UBE2W: variants seen among roughly 807,000 people sequenced by gnomAD.
The protein encoded by UBE2W is ubiquitin-conjugating enzyme E2 W.
A neutral mutation model predicts 27.2 loss-of-function variants in UBE2W; 18 were observed. The ratio of observed to expected loss-of-function variants is 0.66; its 90% CI spans 0.46 to 0.98. UBE2W has a LOEUF of 0.98. Ranked by LOEUF, UBE2W falls within the 50% of genes least tolerant of loss-of-function variation. The pLI is 0.00. For missense variants in UBE2W, 90 were observed against 180.2 expected, an observed-to-expected ratio of 0.50 and a Z score of 2.87; for synonymous variants, 53 against 57.2, an observed-to-expected ratio of 0.93 and a Z score of 0.33.
intron 2 of UBE2W, among the ~76,000 whole-genome samples, chr8:73,829,987 T>C (rs1276838536): frequency 1.3e-5 from 2 of 152,220 alleles, no homozygotes; most frequent in Non-Finnish European, 2.9e-5. Context: ...TTGATGTTTT[T>C]AGGGCATGGG....
At chr8:73,845,289 A>C (rs1810745723) in intron 1 of UBE2W, among the ~76,000 whole-genome samples, 1 of 152,248 alleles carries the variant, frequency 6.6e-6, no homozygotes, top group Admixed American at 6.5e-5. Flanking sequence ...ATGTGGAGAA[A>C]AGAAAGATCA....
intron 1 of UBE2W, among the ~76,000 whole-genome samples, chr8:73,854,535 A>G (rs969050383): frequency 6.6e-6 from 1 of 152,236 alleles, no homozygotes; most frequent in Non-Finnish European, 1.5e-5. Flanking sequence ...GATGTACTGC[A>G]TTGTCATTGC....
chr8:73,785,182 T>G (rs773547627), downstream of UBE2W, among the ~76,000 whole-genome samples: 13 of 152,242 alleles, frequency 8.5e-5, no homozygotes, highest in Non-Finnish European at 1.6e-4. Flanking sequence ...AGTCTTGCTC[T>G]GTCACCCAGG....
At chr8:73,837,257 A>G (rs1417251134) in intron 1 of UBE2W, among the ~76,000 whole-genome samples, 1 of 152,252 alleles carries the variant, frequency 6.6e-6, no homozygotes, top group African/African-American at 2.4e-5. Context: ...TCATGCCTGT[A>G]ATCCCAGCAC....
At chr8:73,851,594 A>T (rs1184896314) in intron 1 of UBE2W, among the ~76,000 whole-genome samples, 1 of 152,228 alleles carries the variant, frequency 6.6e-6, no homozygotes, top group African/African-American at 2.4e-5. Flanking sequence ...AAGTATTTTT[A>T]AATAAAAATA....
At chr8:73,800,865 G>T (rs12056802) in intron 5 of UBE2W, among the ~76,000 whole-genome samples, 1 of 152,052 alleles carries the variant, frequency 6.6e-6, no homozygotes, top group Non-Finnish European at 1.5e-5. Context: ...AGGCCGAGGG[G>T]GCAGATCACC....
In UBE2W at chr8:73,792,813, T is replaced by G. The variant is rs1225397294; in HGVS notation, c.*1289A>C. On this transcript the variant is annotated 3_prime_UTR_variant, in exon 6 of 6. Transcript: ENST00000602593. ...CAATTTTTTTTTTCTATAGAAAGTT[T>G]CATCTAGCTGTAAGCAAAGTCTTTT... 1 of 985,560 alleles carries G rather than the reference T, an allele frequency of 1.0e-6. No homozygotes were observed. Among genetic ancestry groups the G allele is most frequent in the African/African-American group, 1.7e-5 (1 of 57,354 alleles). 61.1% of individuals were successfully genotyped at this position (985,560 alleles called of 1,614,324 possible).
intron 1 of UBE2W, among the ~76,000 whole-genome samples, chr8:73,877,790 T>A (rs1430357283): frequency 6.6e-6 from 1 of 152,138 alleles, no homozygotes; most frequent in Non-Finnish European, 1.5e-5. Flanking sequence ...AGGCTACAGA[T>A]AACGCACTCA....
Position 73,791,018 on chromosome 8 carries a change from G to C in UBE2W, c.*3084C>G. 1 of 983,144 alleles carries C rather than the reference G, an allele frequency of 1.0e-6. No individual in the cohort carries two copies. The highest frequency in any genetic ancestry group is 1.2e-6 in the Non-Finnish European group (1 of 828,012). The allele number at this position is 983,144 out of a possible 1,614,324, so 60.9% of individuals were successfully genotyped here. ...TTGATATTCCTAGTCAAAACAACAA[G>C]GAATTAAGATCTTTCTCCAGGTGAA... On this transcript the variant is annotated 3_prime_UTR_variant, in exon 6 of 6. Coordinates refer to ENST00000602593, the MANE Select transcript of UBE2W (RefSeq NM_018299.6).
At chr8:73,841,376 T>C (rs1035488840) in intron 1 of UBE2W, among the ~76,000 whole-genome samples, 5 of 152,222 alleles carry the variant, frequency 3.3e-5, no homozygotes, top group Non-Finnish European at 5.9e-5. Flanking sequence ...TTCTAACAGT[T>C]ACTTATTAAA....
At chr8:73,826,213 C>T (rs1344059345) in intron 2 of UBE2W, among the ~76,000 whole-genome samples, 1 of 152,108 alleles carries the variant, frequency 6.6e-6, no homozygotes, top group Non-Finnish European at 1.5e-5. Flanking sequence ...TCATATATAA[C>T]AATCATAAAC....
intron 4 of UBE2W, among the ~76,000 whole-genome samples, chr8:73,806,042 C>T (rs1405717099): frequency 6.6e-6 from 1 of 152,100 alleles, no homozygotes; most frequent in Non-Finnish European, 1.5e-5. Flanking sequence ...GTAATCCCAG[C>T]TACTTGGGAG....
chr8:73,859,397 T>G (rs1811451595), intron 1 of UBE2W, among the ~76,000 whole-genome samples: 1 of 152,126 alleles, frequency 6.6e-6, no homozygotes. Flanking sequence ...TCCCAGCTAC[T>G]GGGGAGGCTG....
At chr8:73,857,322 G>A (rs1021738861) in intron 1 of UBE2W, among the ~76,000 whole-genome samples, 1 of 152,052 alleles carries the variant, frequency 6.6e-6, no homozygotes, top group Non-Finnish European at 1.5e-5. Context: ...TTTAAACCCT[G>A]GCACTTAAGG....
At chr8:73,858,592 TTAAAA>T (rs1293708956) in intron 1 of UBE2W, among the ~76,000 whole-genome samples, 3 of 151,210 alleles carry the variant, frequency 2.0e-5, no homozygotes, top group Non-Finnish European at 2.9e-5. Flanking sequence ...TCATGAAGAT[TTAAAA>T]TAATTTAAAA....
intron 1 of UBE2W, among the ~76,000 whole-genome samples, chr8:73,845,515 C>T (rs946946657): frequency 2.0e-5 from 3 of 152,036 alleles, no homozygotes; most frequent in African/African-American, 4.8e-5. Context: ...GCAGCATACT[C>T]GTTAAGAGTC....
intron 4 of UBE2W, among the ~76,000 whole-genome samples, chr8:73,807,839 A>G (rs1808981704): frequency 6.6e-6 from 1 of 152,226 alleles, no homozygotes; most frequent in Non-Finnish European, 1.5e-5. Flanking sequence ...AGGGAGATAC[A>G]GTTCTTGGAA....
rs1358026576 is a variant in UBE2W, at chr8:73,878,791, C to G, written c.15+17G>C. 2 of 1,548,008 alleles carry G rather than the reference C, an allele frequency of 1.3e-6. No individual in the cohort carries two copies. Among genetic ancestry groups the G allele is most frequent in the Non-Finnish European group, 1.7e-6 (2 of 1,144,352 alleles). ...GGCGGCTCCCTGGCCCGCCCAGATGCAGCAAACTCCTCTCACCTGCATTGA... is the reference window on the plus strand; with the variant it reads ...GGCGGCTCCCTGGCCCGCCCAGATGGAGCAAACTCCTCTCACCTGCATTGA... On this transcript the variant is annotated intron_variant, in intron 1 of 5. Coordinates refer to ENST00000602593, the MANE Select transcript of UBE2W (RefSeq NM_018299.6).
At chr8:73,862,094 G>T (rs1202400708) in intron 1 of UBE2W, among the ~76,000 whole-genome samples, 1 of 152,136 alleles carries the variant, frequency 6.6e-6, no homozygotes, top group Non-Finnish European at 1.5e-5. Context: ...CTAAATTCCT[G>T]CATTGTAGTG....
Sources: allele counts gnomAD v4.1 joint callset (sites outside exome capture counted in the v4.1 genomes callset), GRCh38; gene constraint gnomAD v4.1.1; transcripts MANE v1.5; gene names NCBI Gene and HGNC (gene_info 2026-07-23, HGNC 2026-07-21).